C1S: variants seen among roughly 807,000 people sequenced by gnomAD.
The protein encoded by C1S is complement C1s subcomponent.
Under a neutral mutation model 54.0 loss-of-function variants are expected in C1S, and 31 were observed. The observed-to-expected ratio is 0.57, with a 90% confidence interval of 0.43 to 0.78. The LOEUF (loss-of-function observed/expected upper bound fraction) is 0.78. Ranked by LOEUF, C1S falls within the 30% of genes least tolerant of loss-of-function variation. The probability of loss-of-function intolerance (pLI) is 0.00; values close to 1 mark genes in which losing one functional copy is unlikely to be tolerated. For synonymous variants in C1S, 292 were observed against 303.6 expected (o/e 0.96, Z 0.40); for missense variants, 727 against 851.8 (o/e 0.85, Z 1.82).
In C1S at chr12:7,070,076, G is replaced by T. The variant is rs896729660; in HGVS notation, c.1492G>T (p.Ala498Ser). 1 of 1,613,938 alleles carries T rather than the reference G, an allele frequency of 6.2e-7. No individual in the cohort carries two copies. The highest frequency in any genetic ancestry group is 1.3e-5 in the African/African-American group (1 of 74,920). ...CACCTCAGTGCAGACCTCACGGCTGGCAAAATCCAAGATGCTCACTCCTGA... is the reference window on the plus strand; with the variant it reads ...CACCTCAGTGCAGACCTCACGGCTGTCAAAATCCAAGATGCTCACTCCTGA... ...GSTSVQTSRL[A>S]KSKMLTPEHV... Residue 498 changes from alanine to serine, a missense_variant, in exon 12 of 12, where the codon GCA becomes TCA. This residue lies in a region of C1S where 360 missense variants were observed against 453.6 expected (regional missense o/e 0.79). Coordinates refer to ENST00000360817, the MANE Select transcript of C1S (RefSeq NM_001734.5). The surrounding 1 kb of genome is among the most constrained non-coding windows in gnomAD (Gnocchi z 4.9).
In C1S at chr12:7,063,055, T is replaced by C; in HGVS notation, c.379T>C (p.Tyr127His). ...EERFTGFAAY[Y>H]VATDINECTD... ...GCGTTTTACGGGGTTTGCTGCATAC[T>C]ATGTTGCCACAGGTAAGGCTCACCC... Residue 127 changes from tyrosine to histidine, a missense_variant, in exon 4 of 12, where the codon TAT (tyrosine) becomes CAT (histidine). Tyr to His is a moderately conservative substitution (Grantham distance 83, BLOSUM62 2). This residue lies in a region of C1S where 357 missense variants were observed against 365.4 expected (regional missense o/e 0.98). Coordinates refer to ENST00000360817, the MANE Select transcript of C1S (RefSeq NM_001734.5). The C allele has an allele frequency of 6.2e-7, 1 of 1,613,490 alleles. No individual in the cohort carries two copies. The highest frequency in any genetic ancestry group is 1.1e-5 in the South Asian group (1 of 91,088).
chr12:7,067,881 C>G, intron 10 of C1S, 110 bp downstream of exon 10: 2 of 1,174,624 alleles, frequency 1.7e-6, no homozygotes, highest in South Asian at 2.5e-5. Flanking sequence ...GGCGATAGGA[C>G]AGACATTGTT....
At chr12:7,063,454 C>T (rs1947127089) in intron 4 of C1S, 1 of 437,536 alleles carries the variant, frequency 2.3e-6, no homozygotes, top group East Asian at 7.0e-5. Flanking sequence ...CCAAGAATCA[C>T]ACAAGGAATG....
chr12:7,063,422 G>T (rs1947126513), intron 4 of C1S: 1 of 451,294 alleles, frequency 2.2e-6, no homozygotes, highest in Non-Finnish European at 4.5e-6. Flanking sequence ...AGAAAATAAG[G>T]ACTAGGAAAG....
intron 5 of C1S, among the ~76,000 whole-genome samples, chr12:7,064,663 A>G (rs80118055): frequency 0.017 from 2,540 of 152,172 alleles, 74 homozygotes; most frequent in African/African-American, 0.053. Flanking sequence ...CACTATACCC[A>G]GTGTGTAGTT....
Position 7,067,667 on chromosome 12 carries a change from C to T in C1S, c.1091C>T (p.Ser364Phe). 6.2e-7 allele frequency: 1 copy of T among 1,614,056 alleles called. No homozygotes were observed. Among genetic ancestry groups the T allele is most frequent in the Non-Finnish European group, 8.5e-7 (1 of 1,179,942 alleles). ...CQPVDCGIPE[S>F]IENGKVEDPE... ...GCTGTGGACTGTGGCATTCCTGAAT[C>T]CATTGAGAATGGTAAAGTTGAAGAC... Residue 364 changes from serine (S) to phenylalanine (F), a missense_variant, in exon 10 of 12, where the codon TCC (serine) becomes TTC (phenylalanine). This residue lies in a region of C1S where 360 missense variants were observed against 453.6 expected (regional missense o/e 0.79). Coordinates refer to ENST00000360817, the MANE Select transcript of C1S (RefSeq NM_001734.5).
At chr12:7,067,180 C>A (rs1233964022) in intron 9 of C1S, 63 bp downstream of exon 9, 10 of 1,146,082 alleles carry the variant, frequency 8.7e-6, no homozygotes, top group Non-Finnish European at 1.3e-5. Flanking sequence ...AAGATCAGCA[C>A]ATCAAAATTC....
In C1S at chr12:7,067,785, A is replaced by G. The variant is rs1290854526; in HGVS notation, c.1195+14A>G. On this transcript the variant is annotated intron_variant, in intron 10 of 11. Transcript: ENST00000360817. ...ATGGAGGAGGTGGTAGGTTTCTTCT[A>G]CTGGAGAAGAGAGAGAGAGAGTGAG... 1.9e-6 allele frequency: 3 copies of G among 1,611,388 alleles called. No homozygotes were observed. Among genetic ancestry groups the G allele is most frequent in the East Asian group, 4.5e-5 (2 of 44,874 alleles).
intron 1 of C1S, 71 bp downstream of exon 1, chr12:7,060,948 A>T (rs1342801972): frequency 6.6e-6 from 1 of 152,302 alleles, no homozygotes; most frequent in Non-Finnish European, 1.5e-5. Context: ...TTCACGTAGG[A>T]GGGCTTGGGG....
intron 11 of C1S, 182 bp downstream of exon 11, chr12:7,068,712 A>G: frequency 3.3e-6 from 2 of 603,382 alleles, no homozygotes; most frequent in Non-Finnish European, 6.0e-6. Context: ...CCTCAGCCGC[A>G]CTGAAGCCAG....
In C1S at chr12:7,070,634, A is replaced by AC. The variant is rs1565625392; in HGVS notation, c.2056dup (p.Arg686ProfsTer2). On this transcript the variant is annotated frameshift_variant, in exon 12 of 12. Coordinates refer to ENST00000360817, the MANE Select transcript of C1S (RefSeq NM_001734.5). LOFTEE classifies it high-confidence loss of function. The surrounding 1 kb of genome is among the most constrained non-coding windows in gnomAD (Gnocchi z 4.9). ...AATGAAGACTATGCAGGAAAATAGCACCCCCCGTGAGGACTAATCCAGATA... is the reference window on the plus strand; with the variant it reads ...AATGAAGACTATGCAGGAAAATAGCACCCCCCCGTGAGGACTAATCCAGATA... 2.5e-6 allele frequency: 4 copies of AC among 1,612,872 alleles called. No individual in the cohort carries two copies. Among genetic ancestry groups the AC allele is most frequent in the East Asian group, 2.2e-5 (1 of 44,870 alleles).
intron 11 of C1S, among the ~76,000 whole-genome samples, chr12:7,069,301 G>A (rs782184493): frequency 6.6e-5 from 10 of 152,280 alleles, no homozygotes; most frequent in Middle Eastern, 3.4e-3. Context: ...CAGTCACTGG[G>A]AGTGAGAGGT....
At position 7,067,107 on chromosome 12, in the gene C1S, GA is replaced by G; in HGVS notation, c.1059del (p.Lys353AsnfsTer58). On this transcript the variant is annotated frameshift_variant, in exon 9 of 12. Coordinates refer to ENST00000360817, the MANE Select transcript of C1S (RefSeq NM_001734.5). LOFTEE classifies it high-confidence loss of function. ...ATGGAAAGTGGAGTAATTCCAAACT[GA>G]AATGTCAACGTATGTGTCTCTTCAA... is the stretch of plus-strand genomic sequence containing the variant. ...SNGKWSNSKL[K>X]CQPVDCGIPE... 1 of 1,600,396 alleles carries G rather than the reference GA, an allele frequency of 6.2e-7. No individual in the cohort carries two copies. The highest frequency in any genetic ancestry group is 8.6e-7 in the Non-Finnish European group (1 of 1,167,498).
intron 4 of C1S, 49 bp downstream of exon 4, chr12:7,063,116 A>G: frequency 6.6e-7 from 1 of 1,513,338 alleles, no homozygotes; most frequent in African/African-American, 1.4e-5. Flanking sequence ...CTAAAAGATT[A>G]GAAATGAGAA....
At chr12:7,065,493 C>T (rs1318566886) in intron 6 of C1S, 194 bp downstream of exon 6, 2 of 682,688 alleles carry the variant, frequency 2.9e-6, no homozygotes, top group Non-Finnish European at 5.3e-6. Context: ...GTAGCTGGGC[C>T]CACAGACGTG....
intron 3 of C1S, 39 bp downstream of exon 3, chr12:7,062,721 A>T: frequency 6.3e-7 from 1 of 1,588,044 alleles, no homozygotes; most frequent in Non-Finnish European, 8.6e-7. Flanking sequence ...ATGGAAGACT[A>T]GGGCTAAGGT....
Position 7,070,099 on chromosome 12 carries a change from T to G in C1S, c.1515T>G (p.Pro505=). ...TGGCAAAATCCAAGATGCTCACTCC[T>G]GAGCATGTGTTTATTCATCCGGGAT... The part of the protein sequence containing the change: ...SRLAKSKMLT[P]EHVFIHPGWK... The change falls in exon 12 of 12, where the codon CCT becomes CCG. Residue 505 remains proline (P), a synonymous_variant. Transcript: ENST00000360817. This position sits in a 1 kb window ranked among gnomAD's most constrained non-coding sequence, Gnocchi z 4.9. The G allele has an allele frequency of 6.2e-7, 1 of 1,614,138 alleles. No homozygotes were observed. The highest frequency in any genetic ancestry group is 1.1e-5 in the South Asian group (1 of 91,080).
chr12:7,069,727 T>C (rs150253355), intron 11 of C1S, 128 bp from the exon 12 acceptor site: 7 of 855,658 alleles, frequency 8.2e-6, no homozygotes, highest in Middle Eastern at 2.9e-4. Context: ...GTTGACCAAA[T>C]AGGGTTGACT....
intron 11 of C1S, chr12:7,068,760 G>C (rs1474932554): frequency 3.5e-6 from 2 of 572,566 alleles, no homozygotes; most frequent in Non-Finnish European, 6.3e-6. Context: ...GCCAGCGACA[G>C]TTGGTGTCTG....
Sources: gnomAD v4.1 joint callset for allele counts (sites outside exome capture counted in the v4.1 genomes callset) on GRCh38, gnomAD v4.1.1 for gene constraint, gnomAD v4.1.1 regional missense constraint, Gnocchi (gnomAD v3.1) non-coding constraint, MANE v1.5 for transcripts, NCBI Gene and HGNC (gene_info 2026-07-23, HGNC 2026-07-21) for gene names.